Variants in STX19 observed in about 807,000 individuals in gnomAD.
STX19 encodes the protein syntaxin-19.
In STX19, 26 loss-of-function variants were observed where a neutral mutation model predicts 24.3. The ratio of observed to expected loss-of-function variants is 1.07; its 90% CI spans 0.78 to 1.48. The LOEUF is 1.48. Ranked by LOEUF, STX19 falls within the 40% of genes most tolerant of loss-of-function variation. The pLI, the probability that STX19 is intolerant of heterozygous loss-of-function variation, is 0.00. For missense variants in STX19, 367 were observed against 331.9 expected (o/e 1.11, Z -0.82); for synonymous variants, 116 against 106.9 (o/e 1.09, Z -0.52).
At chr3:94,026,998 G>A (rs1257730900) in intron 1 of STX19, among the ~76,000 whole-genome samples, 1 of 152,054 alleles carries the variant, frequency 6.6e-6, no homozygotes, top group Non-Finnish European at 1.5e-5. Context: ...CCTAGAAACA[G>A]AAACATGAGT....
chr3:94,021,237 A>G (rs2076442302), intron 1 of STX19, among the ~76,000 whole-genome samples: 1 of 150,934 alleles, frequency 6.6e-6, no homozygotes, highest in Non-Finnish European at 1.5e-5. Flanking sequence ...TCTGTTACCC[A>G]GGCTGGAGTG....
intron 1 of STX19, among the ~76,000 whole-genome samples, chr3:94,019,203 T>A (rs1392392993): frequency 1.3e-5 from 2 of 152,152 alleles, no homozygotes; most frequent in African/African-American, 2.4e-5. Flanking sequence ...TTTTTGTTAA[T>A]TTTTTATTTT....
chr3:94,026,650 GC>G (rs2076564191), intron 1 of STX19, among the ~76,000 whole-genome samples: 1 of 152,094 alleles, frequency 6.6e-6, no homozygotes, highest in Non-Finnish European at 1.5e-5. Flanking sequence ...AAAATATGAA[GC>G]TCATAGTTGT....
At chr3:94,016,282 A>G (rs2076331835) in intron 1 of STX19, among the ~76,000 whole-genome samples, 2 of 152,076 alleles carry the variant, frequency 1.3e-5, no homozygotes, top group African/African-American at 4.8e-5. Flanking sequence ...CACATATAAT[A>G]TTAATATCAA....
intron 1 of STX19, among the ~76,000 whole-genome samples, chr3:94,023,541 A>C (rs546765845): frequency 6.6e-6 from 1 of 151,664 alleles, no homozygotes. Flanking sequence ...TTTTCTTTGT[A>C]TTATTTTCAT....
At chr3:94,025,401 C>T (rs2076535185) in intron 1 of STX19, among the ~76,000 whole-genome samples, 1 of 152,066 alleles carries the variant, frequency 6.6e-6, no homozygotes, top group African/African-American at 2.4e-5. Context: ...AAAGGTTATA[C>T]TGTGTTTGTC....
chr3:94,026,021 C>CTT (rs548770030), intron 1 of STX19, among the ~76,000 whole-genome samples: 48 of 140,292 alleles, frequency 3.4e-4, no homozygotes, highest in African/African-American at 3.6e-4. Flanking sequence ...GAAAACTTCT[C>CTT]TTTTTTTTTT....
At chr3:94,020,237 T>A (rs1311991230) in intron 1 of STX19, among the ~76,000 whole-genome samples, 1 of 152,194 alleles carries the variant, frequency 6.6e-6, no homozygotes, top group African/African-American at 2.4e-5. Flanking sequence ...GAGATCTTGA[T>A]ATCTTAGATT....
At chr3:94,022,318 G>T (rs2076465355) in intron 1 of STX19, among the ~76,000 whole-genome samples, 1 of 151,948 alleles carries the variant, frequency 6.6e-6, no homozygotes, top group African/African-American at 2.4e-5. Context: ...TAGAGATGGG[G>T]TTTTACCATG....
At chr3:94,019,752 C>T (rs948433951) in intron 1 of STX19, among the ~76,000 whole-genome samples, 3 of 152,314 alleles carry the variant, frequency 2.0e-5, no homozygotes, top group South Asian at 2.1e-4. Context: ...GTTACCCCTC[C>T]GACCTCACCT....
intron 1 of STX19, among the ~76,000 whole-genome samples, chr3:94,026,354 T>G (rs956119891): frequency 6.6e-6 from 1 of 152,240 alleles, no homozygotes; most frequent in Non-Finnish European, 1.5e-5. Flanking sequence ...TCTGTATCTG[T>G]GCATTTTGAC....
Position 94,014,659 on chromosome 3 carries a change from A to G in STX19, c.611T>C (p.Ile204Thr), listed in dbSNP as rs1237575781. ...AATCTCTGAAAGTTGTGCTTTAGTG[A>G]TATTGATTTCTGTAAGTAAGCTTTC... ...FNESLLTEIN[I>T]TKAQLSEIEQ... Residue 204 changes from isoleucine to threonine, a missense_variant, in exon 2 of 2, where the codon ATC becomes ACC. Physicochemically the swap from Ile to Thr is moderately conservative, Grantham distance 89. Coordinates refer to ENST00000315099, the MANE Select transcript of STX19 (RefSeq NM_001001850.3). 6.2e-7 allele frequency: 1 copy of G among 1,613,560 alleles called. No individual in the cohort carries two copies.
At chr3:94,018,091 T>A (rs1244652443) in intron 1 of STX19, among the ~76,000 whole-genome samples, 2 of 152,158 alleles carry the variant, frequency 1.3e-5, no homozygotes, top group African/African-American at 2.4e-5. Context: ...GATACAGGGG[T>A]GTCCCTATGT....
chr3:94,022,729 A>G (rs2076474084), intron 1 of STX19, among the ~76,000 whole-genome samples: 1 of 152,116 alleles, frequency 6.6e-6, no homozygotes, highest in Admixed American at 6.5e-5. Flanking sequence ...TGACATATTT[A>G]TATATACAGA....
rs192417212 is a variant in STX19, at chr3:94,026,202, G to C, written c.-14+2165C>G. ...ACCCGACTAACTTTTTATATTTTTAGTAGAGATGGGGTTTCACCGTGTGAG... is the reference window on the plus strand; with the variant it reads ...ACCCGACTAACTTTTTATATTTTTACTAGAGATGGGGTTTCACCGTGTGAG... On this transcript the variant is annotated intron_variant, in intron 1 of 1. Transcript: ENST00000315099. 4.8e-3 allele frequency among the ~76,000 whole-genome samples: 730 copies of C among 152,140 alleles called. 5 individuals carry two copies. Among genetic ancestry groups the C allele is most frequent in the African/African-American group, 0.012 (494 of 41,534 alleles).
At position 94,015,151 on chromosome 3, in the gene STX19, A is replaced by G. The variant is rs775463727; in HGVS notation, c.119T>C (p.Ile40Thr). The change falls in exon 2 of 2, where the codon ATT becomes ACT. Residue 40 changes from isoleucine (I) to threonine (T), a missense_variant. Coordinates refer to ENST00000315099, the MANE Select transcript of STX19 (RefSeq NM_001001850.3). ...EQGVFLQQAV[I>T]YEREPVAERH... Reference sequence around the variant, plus strand: ...CTCAGCTACAGGCTCTCTTTCATAAATAACAGCTTGCTGTAGAAACACCCC... The same window carrying G: ...CTCAGCTACAGGCTCTCTTTCATAAGTAACAGCTTGCTGTAGAAACACCCC... The G allele has an allele frequency of 1.2e-6, 2 of 1,613,996 alleles. No homozygotes were observed. The highest frequency in any genetic ancestry group is 1.7e-5 in the Admixed American group (1 of 60,024).
rs1575976885 is a variant in STX19 at position 94,014,395 on chromosome 3, C to T, written c.875G>A (p.Ser292Asn). The change falls in exon 2 of 2, where the codon AGC becomes AAC. Residue 292 changes from serine to asparagine, a missense_variant. Ser to Asn is a conservative substitution (Grantham distance 46). Coordinates refer to ENST00000315099, the MANE Select transcript of STX19 (RefSeq NM_001001850.3). Reference sequence around the variant, plus strand: ...TTTAAAATAGCTTCTTTATTTTGAGCTACAGCATGGACAGCACCAACAACA... The same window carrying T: ...TTTAAAATAGCTTCTTTATTTTGAGTTACAGCATGGACAGCACCAACAACA... ...VLCCWCCPCCSSK is the reference protein window; with the variant it reads ...VLCCWCCPCCNSK The T allele has an allele frequency of 6.5e-7, 1 of 1,527,712 alleles. No individual in the cohort carries two copies. The highest frequency in any genetic ancestry group is 8.7e-7 in the Non-Finnish European group (1 of 1,145,762). 94.6% of individuals were successfully genotyped at this position (1,527,712 alleles called of 1,614,324 possible).
intron 1 of STX19, among the ~76,000 whole-genome samples, chr3:94,021,652 C>A (rs2076451246): frequency 6.6e-6 from 1 of 152,220 alleles, no homozygotes; most frequent in East Asian, 1.9e-4. Flanking sequence ...AAGAACTAGT[C>A]TTCTTTTCAG....
chr3:94,022,481 ATCT>A (rs781610860), intron 1 of STX19, among the ~76,000 whole-genome samples: 38 of 152,020 alleles, frequency 2.5e-4, no homozygotes, highest in Non-Finnish European at 3.8e-4. Context: ...TGTGGATTTA[ATCT>A]TCTCTCACAC....
Sources: gnomAD v4.1 joint callset for allele counts (sites outside exome capture counted in the v4.1 genomes callset) on GRCh38, gnomAD v4.1.1 for gene constraint, MANE v1.5 for transcripts, NCBI Gene and HGNC (gene_info 2026-07-23, HGNC 2026-07-21) for gene names.